The following SMOC2 variants were observed in gnomAD, a reference collection of about 807,000 sequenced individuals.
SMOC2 encodes SPARC-related modular calcium-binding protein 2.
In SMOC2, 39 loss-of-function variants were observed where a neutral mutation model predicts 61.4. The observed-to-expected ratio is 0.64, with a 90% confidence interval of 0.49 to 0.83. The LOEUF is 0.83. SMOC2 is among the 40% of genes least tolerant of loss of function. The pLI is 0.00. For missense variants in SMOC2, 556 were observed against 592.9 expected, an observed-to-expected ratio of 0.94 and a Z score of 0.65; for synonymous variants, 247 against 239.9, an observed-to-expected ratio of 1.03 and a Z score of -0.27.
chr6:168,600,315 G>A (rs757633034), intron 8 of SMOC2, among the ~76,000 whole-genome samples: 5 of 150,768 alleles, frequency 3.3e-5, no homozygotes, highest in Non-Finnish European at 7.4e-5. Flanking sequence ...GCTGAGGCAG[G>A]AGAATTGCTT....
chr6:168,456,341 T>C (rs925765349), intron 1 of SMOC2, among the ~76,000 whole-genome samples: 9 of 152,192 alleles, frequency 5.9e-5, no homozygotes, highest in African/African-American at 1.9e-4. Context: ...GTGGAGGGGC[T>C]GCAGGGCTGG....
At chr6:168,455,923 G>C (rs1048333304) in intron 1 of SMOC2, among the ~76,000 whole-genome samples, 1 of 152,228 alleles carries the variant, frequency 6.6e-6, no homozygotes, top group Non-Finnish European at 1.5e-5. Flanking sequence ...CCATGCAAAC[G>C]TCTGGGCGGA....
At chr6:168,517,277 C>T (rs1306232072) in intron 2 of SMOC2, among the ~76,000 whole-genome samples, 1 of 152,218 alleles carries the variant, frequency 6.6e-6, no homozygotes, top group African/African-American at 2.4e-5. Context: ...ACCACTCTGC[C>T]CCTGTGGCCA....
chr6:168,614,499 AC>A (rs1785997893), intron 9 of SMOC2, among the ~76,000 whole-genome samples: 2 of 46,810 alleles, frequency 4.3e-5, no homozygotes. Context: ...GCCTCTTCAC[AC>A]CTACAGCCAG....
In SMOC2 at chr6:168,441,326, G is replaced by C; in HGVS notation, c.-45G>C. 6.7e-7 allele frequency: 1 copy of C among 1,489,260 alleles called. No homozygotes were observed. Among genetic ancestry groups the C allele is most frequent in the South Asian group, 1.3e-5 (1 of 79,448 alleles). 92.3% of individuals were successfully genotyped at this position (1,489,260 alleles called of 1,614,324 possible). ...TGGGCTCTCCCGGCTGCAGTGCCAG[G>C]GCGCAGGACGCGGCCGATCTCCCGC... is the stretch of plus-strand genomic sequence containing the variant. On this transcript the variant is annotated 5_prime_UTR_variant, in exon 1 of 13. Transcript: ENST00000356284.
chr6:168,487,538 C>G (rs1432386451), intron 1 of SMOC2, among the ~76,000 whole-genome samples: 3 of 152,106 alleles, frequency 2.0e-5, no homozygotes, highest in Non-Finnish European at 4.4e-5. Flanking sequence ...GGATCTTGCT[C>G]TGTTGCCCAG....
rs1218073005 is a variant in SMOC2 at position 168,608,211 on chromosome 6, G to A, written c.879G>A (p.Arg293=). 6.2e-7 allele frequency: 1 copy of A among 1,613,454 alleles called. No individual in the cohort carries two copies. The stretch of plus-strand genomic sequence containing the variant: ...CCAGGGCCCACCCAGCCAAAGCCCG[G>A]GACCTGTACAAGGGCCGCCAGCTAC... ...NTARAHPAKA[R]DLYKGRQLQG... The change falls in exon 9 of 13, where the codon CGG becomes CGA. Residue 293 remains arginine, a synonymous_variant. Transcript: ENST00000356284.
At chr6:168,573,958 C>T (rs1784733777) in intron 7 of SMOC2, among the ~76,000 whole-genome samples, 1 of 152,214 alleles carries the variant, frequency 6.6e-6, no homozygotes, top group East Asian at 1.9e-4. Context: ...GCTCTCTGGC[C>T]ATAAGGGGCA....
chr6:168,459,622 G>T, intron 1 of SMOC2, among the ~76,000 whole-genome samples: 2 of 137,762 alleles, frequency 1.5e-5, no homozygotes, highest in South Asian at 2.5e-4. Context: ...GTGAGCCCTG[G>T]GGTGGGTGGG....
Position 168,457,584 on chromosome 6 carries a change from G to A in SMOC2, c.84+16130G>A, listed in dbSNP as rs545549761. 1.2e-3 allele frequency among the ~76,000 whole-genome samples: 179 copies of A among 152,264 alleles called. 1 individual carries two copies. Among genetic ancestry groups the A allele is most frequent in the South Asian group, 6.2e-3 (30 of 4,812 alleles). ...GTAATCCTCCCAGAACATGAGCCCC[G>A]CGTCACGTCCTTCCAGCCGTGCTTG... On this transcript the variant is annotated intron_variant, in intron 1 of 12. Coordinates refer to ENST00000356284, the MANE Select transcript of SMOC2 (RefSeq NM_001166412.2).
intron 9 of SMOC2, among the ~76,000 whole-genome samples, chr6:168,631,138 C>T (rs555272130): frequency 6.6e-6 from 1 of 152,302 alleles, no homozygotes; most frequent in Admixed American, 6.5e-5. Context: ...GTTTTTGTGG[C>T]TTGTGGGGCA....
chr6:168,599,467 T>A (rs1312017952), intron 8 of SMOC2, among the ~76,000 whole-genome samples: 12 of 34,074 alleles, frequency 3.5e-4, no homozygotes, highest in African/African-American at 3.8e-4. Context: ...ACACACCCAC[T>A]CACACCCACA....
chr6:168,479,287 G>A, intron 1 of SMOC2, among the ~76,000 whole-genome samples: 1 of 152,224 alleles, frequency 6.6e-6, no homozygotes, highest in East Asian at 1.9e-4. Flanking sequence ...GTACTTGTGA[G>A]CATTGGGAAG....
At chr6:168,663,769 A>G (rs1431041013) in intron 11 of SMOC2, among the ~76,000 whole-genome samples, 1 of 152,244 alleles carries the variant, frequency 6.6e-6, no homozygotes, top group African/African-American at 2.4e-5. Flanking sequence ...TTTACATTGC[A>G]TTAAGCATTA....
At chr6:168,636,493 TTAA>T (rs1786723911) in intron 9 of SMOC2, among the ~76,000 whole-genome samples, 1 of 152,252 alleles carries the variant, frequency 6.6e-6, no homozygotes, top group South Asian at 2.1e-4. Context: ...GATCACATGC[TTAA>T]TAATGTTGTT....
intron 9 of SMOC2, among the ~76,000 whole-genome samples, chr6:168,610,349 G>T (rs1032543514): frequency 2.6e-5 from 4 of 152,166 alleles, no homozygotes; most frequent in Admixed American, 6.5e-5. Flanking sequence ...TAGATGTTTG[G>T]GAGTGCACTG....
intron 9 of SMOC2, among the ~76,000 whole-genome samples, chr6:168,626,543 C>T (rs1277376123): frequency 5.9e-5 from 9 of 152,196 alleles, no homozygotes; most frequent in South Asian, 2.1e-4. Flanking sequence ...GGTTCCGCCG[C>T]GACACTCCAC....
At chr6:168,498,970 G>A (rs1479841154) in intron 1 of SMOC2, among the ~76,000 whole-genome samples, 1 of 143,990 alleles carries the variant, frequency 6.9e-6, no homozygotes, top group African/African-American at 2.6e-5. Flanking sequence ...TCTCTGGGGG[G>A]ACAGCCAGGG....
In SMOC2 at chr6:168,575,053, TAGC is replaced by T. The variant is rs145464535; in HGVS notation, c.638-23760_638-23758del. Among the ~76,000 whole-genome samples, 1,506 of 152,276 alleles carry T rather than the reference TAGC, an allele frequency of 9.9e-3. 13 individuals are homozygous for T. Among genetic ancestry groups the T allele is most frequent in the South Asian group, 0.05 (239 of 4,820 alleles). ...TCTTTGTCAGGAAGGCCTGCCAGCT[TAGC>T]AGCACCCTTGGTCTGGGAGGCGGGA... On this transcript the variant is annotated intron_variant, in intron 7 of 12. Coordinates refer to ENST00000356284, the MANE Select transcript of SMOC2 (RefSeq NM_001166412.2).
Sources: gnomAD v4.1 joint callset for allele counts (sites outside exome capture counted in the v4.1 genomes callset) on GRCh38, gnomAD v4.1.1 for gene constraint, MANE v1.5 for transcripts, NCBI Gene and HGNC (gene_info 2026-07-23, HGNC 2026-07-21) for gene names.